LGSN: variants seen among roughly 807,000 people sequenced by gnomAD.
The protein encoded by LGSN is lengsin, lens protein with glutamine synthetase domain.
A neutral mutation model predicts 19.5 loss-of-function variants in LGSN; 21 were observed. The ratio of observed to expected loss-of-function variants is 1.07; its 90% CI spans 0.76 to 1.55. The LOEUF is 1.55. Among genes scored for constraint, LGSN ranks in the 40% most tolerant of loss-of-function variants. LGSN has a pLI of 0.00. For missense variants in LGSN, 673 were observed against 608.5 expected, an observed-to-expected ratio of 1.11 and a Z score of -1.12; for synonymous variants, 257 against 215.6, an observed-to-expected ratio of 1.19 and a Z score of -1.68.
the LGSN span, among the ~76,000 whole-genome samples, chr6:63,505,659 GTTTTGT>G: frequency 2.8e-5 from 1 of 36,218 alleles, no homozygotes; most frequent in Non-Finnish European, 4.6e-5. Context: ...TTTTTGTTTT[GTTTTGT>G]TTTGTTTTGT....
chr6:63,494,077 G>A, the LGSN span, among the ~76,000 whole-genome samples: 1 of 151,176 alleles, frequency 6.6e-6, no homozygotes, highest in Non-Finnish European at 1.5e-5. Flanking sequence ...AGCCTCCCAA[G>A]TAGCTGGGAT....
the LGSN span, among the ~76,000 whole-genome samples, chr6:63,345,891 C>G: frequency 6.6e-6 from 1 of 152,198 alleles, no homozygotes; most frequent in African/African-American, 2.4e-5. Context: ...ACTGAAAGAC[C>G]ATCCTTTTCA....
the LGSN span, among the ~76,000 whole-genome samples, chr6:63,563,040 A>T: frequency 6.6e-6 from 1 of 152,172 alleles, no homozygotes; most frequent in Admixed American, 6.6e-5. Context: ...CCATATTTCT[A>T]ATCTCTCCAC....
chr6:63,331,093 CT>C, the LGSN span, among the ~76,000 whole-genome samples: 449 of 152,184 alleles, frequency 3.0e-3, 3 homozygotes, highest in African/African-American at 0.01. Flanking sequence ...TTTTGTGGTC[CT>C]TTTGGAGATT....
the LGSN span, among the ~76,000 whole-genome samples, chr6:63,389,089 T>C: frequency 6.6e-6 from 1 of 152,200 alleles, no homozygotes; most frequent in African/African-American, 2.4e-5. Context: ...CATTTAATCC[T>C]TATGGCCACC....
At chr6:63,290,833 G>A (rs1224120129) in intron 2 of LGSN, among the ~76,000 whole-genome samples, 1 of 152,126 alleles carries the variant, frequency 6.6e-6, no homozygotes, top group African/African-American at 2.4e-5. Flanking sequence ...TTAGCCTTTG[G>A]GCCATAGTCT....
At chr6:63,365,394 T>C in the LGSN span, among the ~76,000 whole-genome samples, 1 of 152,152 alleles carries the variant, frequency 6.6e-6, no homozygotes, top group Non-Finnish European at 1.5e-5. Context: ...CAGGAAGAAG[T>C]TGAATCCCTA....
chr6:63,314,966 C>T (rs150525550), intron 1 of LGSN, among the ~76,000 whole-genome samples: 1 of 152,092 alleles, frequency 6.6e-6, no homozygotes, highest in African/African-American at 2.4e-5. Context: ...CTCAGAAGGA[C>T]AATGACAAAA....
chr6:63,408,113 T>C, the LGSN span, among the ~76,000 whole-genome samples: 2 of 152,168 alleles, frequency 1.3e-5, no homozygotes, highest in Non-Finnish European at 2.9e-5. Flanking sequence ...CACAAGGTAA[T>C]TTATAGATTC....
chr6:63,346,248 T>C, the LGSN span, among the ~76,000 whole-genome samples: 3 of 151,880 alleles, frequency 2.0e-5, no homozygotes, highest in Non-Finnish European at 4.4e-5. Context: ...GCATGGAGGT[T>C]GGTAACCAGA....
At chr6:63,285,367 A>G (rs1379261404) in intron 3 of LGSN, among the ~76,000 whole-genome samples, 1 of 152,172 alleles carries the variant, frequency 6.6e-6, no homozygotes, top group Non-Finnish European at 1.5e-5. Flanking sequence ...TTGTATTTCT[A>G]TTGGGTAAAG....
chr6:63,488,787 C>T, the LGSN span, among the ~76,000 whole-genome samples: 1 of 151,342 alleles, frequency 6.6e-6, no homozygotes, highest in African/African-American at 2.4e-5. Context: ...CACTGCACTC[C>T]AGCCTGGGCA....
At chr6:63,570,859 C>T in the LGSN span, 19 of 152,152 alleles carry the variant, frequency 1.2e-4, no homozygotes, top group African/African-American at 4.3e-4. Context: ...TGTCAAAAGC[C>T]TTTTGCCATA....
At chr6:63,301,166 C>G (rs1768166011) in intron 1 of LGSN, among the ~76,000 whole-genome samples, 1 of 152,134 alleles carries the variant, frequency 6.6e-6, no homozygotes, top group Admixed American at 6.5e-5. Flanking sequence ...TGGCACACAT[C>G]TGTAACCACA....
chr6:63,443,947 G>A, the LGSN span, among the ~76,000 whole-genome samples: 9,291 of 149,540 alleles, frequency 0.062, 460 homozygotes, highest in African/African-American at 0.14. Context: ...AGACCTTTAT[G>A]AAACATGCCA....
chr6:63,389,535 A>G, the LGSN span, among the ~76,000 whole-genome samples: 1 of 152,208 alleles, frequency 6.6e-6, no homozygotes, highest in Admixed American at 6.5e-5. Context: ...AAAAGAGAAA[A>G]ATTTGAAGGA....
chr6:63,525,963 A>G, the LGSN span, among the ~76,000 whole-genome samples: 4 of 152,082 alleles, frequency 2.6e-5, no homozygotes, highest in East Asian at 7.7e-4. Context: ...AATTGTTTAA[A>G]CCTTCTTTCG....
At chr6:63,358,470 A>C in the LGSN span, among the ~76,000 whole-genome samples, 1 of 152,092 alleles carries the variant, frequency 6.6e-6, no homozygotes, top group African/African-American at 2.4e-5. Flanking sequence ...ATGAGCATGG[A>C]ATGTTCTTCC....
At chr6:63,393,424 C>A in the LGSN span, among the ~76,000 whole-genome samples, 1 of 151,828 alleles carries the variant, frequency 6.6e-6, no homozygotes, top group African/African-American at 2.4e-5. Context: ...AGTGATCTAC[C>A]CACCTCAGCC....
Sources: allele counts gnomAD v4.1 joint callset (sites outside exome capture counted in the v4.1 genomes callset), GRCh38; gene constraint gnomAD v4.1.1; transcripts MANE v1.5; gene names NCBI Gene and HGNC (gene_info 2026-07-23, HGNC 2026-07-21).